Variants in HBP1 observed in about 807,000 individuals in gnomAD.
HBP1 encodes HMG-box transcription factor 1.
A neutral mutation model predicts 62.6 loss-of-function variants in HBP1; 20 were observed. That is an observed-to-expected ratio of 0.32 (90% confidence interval 0.22 to 0.46). The LOEUF is 0.46. Ranked by LOEUF, HBP1 falls within the 20% of genes least tolerant of loss-of-function variation. HBP1 has a pLI of 1.00. For synonymous variants in HBP1, 232 were observed against 206.2 expected (o/e 1.12, Z -1.07); for missense variants, 480 against 611.8 (o/e 0.78, Z 2.27).
chr7:107,188,165 C>G (rs1022776041), intron 6 of HBP1, among the ~76,000 whole-genome samples: 1 of 152,160 alleles, frequency 6.6e-6, no homozygotes, highest in African/African-American at 2.4e-5. Flanking sequence ...CGTTATTTGC[C>G]AATCTATGTC....
intron 7 of HBP1, 21 bp from the exon 8 acceptor site, chr7:107,190,152 T>C: frequency 6.3e-7 from 1 of 1,591,390 alleles, no homozygotes; most frequent in South Asian, 1.1e-5. Context: ...TCATCCTTTA[T>C]GCAACATTGT....
At position 107,202,224 on chromosome 7, in the gene HBP1, A is replaced by G. The variant is rs1193708106; in HGVS notation, c.*793A>G. On this transcript the variant is annotated 3_prime_UTR_variant, in exon 11 of 11. Coordinates refer to ENST00000222574, the MANE Select transcript of HBP1 (RefSeq NM_012257.4). ...CTCCTCAGCCATGTATCTTAAATAT[A>G]TTTTGTCATCATAATCTTTATGGTG... 6.6e-6 allele frequency: 1 copy of G among 151,028 alleles called. No homozygotes were observed. Among genetic ancestry groups the G allele is most frequent in the Non-Finnish European group, 1.5e-5 (1 of 67,150 alleles). 9.4% of individuals were successfully genotyped at this position (151,028 alleles called of 1,614,324 possible).
intron 4 of HBP1, among the ~76,000 whole-genome samples, 196 bp from the exon 5 acceptor site, chr7:107,186,165 T>C (rs1157753933): frequency 1.4e-5 from 2 of 145,224 alleles, no homozygotes; most frequent in African/African-American, 5.4e-5. Context: ...TCTTTTTTTT[T>C]CTTTTTTTTT....
intron 2 of HBP1, 35 bp from the exon 3 acceptor site, chr7:107,182,338 T>C (rs1375878971): frequency 8.5e-7 from 1 of 1,172,986 alleles, no homozygotes; most frequent in Non-Finnish European, 1.3e-6. Context: ...TATTAGTAAT[T>C]TCCTTTTTAT....
At chr7:107,179,437 A>G (rs1797005839) in intron 1 of HBP1, among the ~76,000 whole-genome samples, 1 of 152,128 alleles carries the variant, frequency 6.6e-6, no homozygotes, top group Non-Finnish European at 1.5e-5. Flanking sequence ...GGTCTAAAGG[A>G]TTTGAGGGAG....
intron 6 of HBP1, among the ~76,000 whole-genome samples, chr7:107,188,009 T>C (rs1324306639): frequency 3.9e-5 from 6 of 152,184 alleles, no homozygotes; most frequent in Non-Finnish European, 5.9e-5. Context: ...CTGGGCTCTC[T>C]TTATAGCTTC....
intron 1 of HBP1, chr7:107,169,879 G>A (rs1384840591): frequency 2.3e-5 from 23 of 985,434 alleles, no homozygotes; most frequent in Non-Finnish European, 2.8e-5. Context: ...GAACCGGGAG[G>A]CACCGCTCTG....
chr7:107,183,644 G>C (rs975135857), intron 3 of HBP1, among the ~76,000 whole-genome samples: 2 of 151,292 alleles, frequency 1.3e-5, no homozygotes, highest in African/African-American at 4.9e-5. Flanking sequence ...TTAACTATTG[G>C]ATTTTTTTTT....
At chr7:107,191,121 G>A (rs1015534710) in intron 8 of HBP1, among the ~76,000 whole-genome samples, 2 of 152,138 alleles carry the variant, frequency 1.3e-5, no homozygotes, top group Non-Finnish European at 2.9e-5. Context: ...ACTAAGTAGA[G>A]AATTCTCAAG....
chr7:107,171,073 ATT>A (rs60734729), intron 1 of HBP1, among the ~76,000 whole-genome samples: 17 of 87,198 alleles, frequency 1.9e-4, no homozygotes, highest in Middle Eastern at 8.6e-3. Flanking sequence ...ATATATATAT[ATT>A]TTTTTTTTTT....
chr7:107,183,851 C>T (rs1000121449), intron 3 of HBP1, among the ~76,000 whole-genome samples: 2 of 152,158 alleles, frequency 1.3e-5, no homozygotes, highest in South Asian at 2.1e-4. Context: ...GTCTGGCCTA[C>T]CTCCTAACAC....
intron 1 of HBP1, among the ~76,000 whole-genome samples, chr7:107,176,871 C>T (rs1427876942): frequency 6.6e-6 from 1 of 152,074 alleles, no homozygotes; most frequent in East Asian, 1.9e-4. Flanking sequence ...GTGATCAGTA[C>T]ATTGTACTAA....
intron 8 of HBP1, among the ~76,000 whole-genome samples, chr7:107,190,823 G>C (rs1324399483): frequency 1.3e-5 from 2 of 152,168 alleles, no homozygotes; most frequent in African/African-American, 4.8e-5. Flanking sequence ...GCTTAGAGAG[G>C]GAAGTGGTTA....
intron 7 of HBP1, chr7:107,189,872 T>C (rs536748929): frequency 1.5e-5 from 4 of 265,892 alleles, no homozygotes; most frequent in South Asian, 1.1e-4. Context: ...TTATCACTTA[T>C]TGTCATTGTA....
chr7:107,178,886 T>G (rs1796980673), intron 1 of HBP1, among the ~76,000 whole-genome samples: 1 of 152,106 alleles, frequency 6.6e-6, no homozygotes, highest in Non-Finnish European at 1.5e-5. Context: ...TACAAAAAAT[T>G]AGCTGGGTGT....
chr7:107,190,294 A>G lies in HBP1; in HGVS notation c.1044A>G (p.Ser348=), dbSNP rs1279288425. 1.2e-6 allele frequency: 2 copies of G among 1,609,714 alleles called. No individual in the cohort carries two copies. Among genetic ancestry groups the G allele is most frequent in the Non-Finnish European group, 8.5e-7 (1 of 1,176,968 alleles). Reference sequence around the variant, plus strand: ...CCGATGCCATTAATTTTGATGATTCAGGTGTTTTTGATACATTTAAAAGGT... The same window carrying G: ...CCGATGCCATTAATTTTGATGATTCGGGTGTTTTTGATACATTTAAAAGGT... The part of the protein sequence containing the change: ...GHPDAINFDD[S]GVFDTFKSYD... Residue 348 remains serine, a synonymous_variant, in exon 8 of 11, where the codon TCA becomes TCG. Transcript: ENST00000222574.
chr7:107,176,350 C>G (rs1436643619), intron 1 of HBP1, among the ~76,000 whole-genome samples: 2 of 152,076 alleles, frequency 1.3e-5, no homozygotes, highest in Non-Finnish European at 2.9e-5. Flanking sequence ...CCATTCATAG[C>G]CAAGTCCTGC....
intron 1 of HBP1, among the ~76,000 whole-genome samples, chr7:107,172,510 A>T (rs77173319): frequency 1.3e-5 from 2 of 151,964 alleles, no homozygotes; most frequent in East Asian, 3.9e-4. Flanking sequence ...TATGTGACTT[A>T]TCTTATATGA....
rs753078996 is a variant in HBP1, at chr7:107,186,632, G to A, written c.716G>A (p.Arg239Lys). The change falls in exon 6 of 11, where the codon AGA becomes AAA. Residue 239 changes from arginine (R) to lysine (K), a missense_variant. Arg to Lys is a conservative substitution (Grantham distance 26). This residue lies in a region of HBP1 where 304 missense variants were observed against 330.9 expected (regional missense o/e 0.92). Transcript: ENST00000222574. ...KEWQDVEDFA[R>K]AEGCDNEEDL... The stretch of plus-strand genomic sequence containing the variant: ...TGGCAAGATGTTGAAGATTTTGCTA[G>A]AGCTGAAGGCTGTGATAATGAGGAA... 6.2e-7 allele frequency: 1 copy of A among 1,613,402 alleles called. No individual in the cohort carries two copies.
Sources: allele counts gnomAD v4.1 joint callset (sites outside exome capture counted in the v4.1 genomes callset), GRCh38; gene constraint gnomAD v4.1.1; regional missense constraint gnomAD v4.1.1; transcripts MANE v1.5; gene names NCBI Gene and HGNC (gene_info 2026-07-23, HGNC 2026-07-21).